Variants in GRIN2A observed in about 807,000 individuals in gnomAD.
GRIN2A encodes glutamate ionotropic receptor NMDA type subunit 2A.
GRIN2A carries 22 observed loss-of-function variants against 113.4 expected under a neutral mutation model. The observed-to-expected ratio is 0.19, with a 90% CI of 0.14 to 0.28. The LOEUF is 0.28. Among genes scored for constraint, GRIN2A ranks in the 10% least tolerant of loss-of-function variants. The probability of loss-of-function intolerance (pLI) is 1.00; values close to 1 mark genes in which losing one functional copy is unlikely to be tolerated. For missense variants in GRIN2A, 1,502 were observed against 1,887.0 expected, an observed-to-expected ratio of 0.80 and a Z score of 3.78; for synonymous variants, 827 against 738.4, an observed-to-expected ratio of 1.12 and a Z score of -1.94.
intron 2 of GRIN2A, among the ~76,000 whole-genome samples, chr16:10,017,182 G>A (rs554834932): frequency 2.8e-4 from 42 of 152,270 alleles, no homozygotes; most frequent in Non-Finnish European, 5.4e-4. Context: ...AACACCATAG[G>A]AACATAGAGA....
intron 2 of GRIN2A, among the ~76,000 whole-genome samples, chr16:10,147,455 C>CAAAAAAAAAA (rs367830700): frequency 0.011 from 765 of 72,392 alleles, no homozygotes; most frequent in East Asian, 0.015. Flanking sequence ...ACTAAAAATA[C>CAAAAAAAAAA]AAAAAAAAAA....
At chr16:9,834,310 T>G in intron 7 of GRIN2A, 80 bp from the exon 8 acceptor site, 1 of 1,369,814 alleles carries the variant, frequency 7.3e-7, no homozygotes, top group Non-Finnish European at 1.0e-6. Flanking sequence ...AGACATCCAT[T>G]TGCAGGCTCG....
In GRIN2A at chr16:9,933,047, A is replaced by C. The variant is rs74008900; in HGVS notation, c.1007+4912T>G. ...CACAATTTTGGGAGTTAACAGTGAC[A>C]TGGTCTGTGCTTGGTGAAGGAACAG... On this transcript the variant is annotated intron_variant, in intron 3 of 12. Coordinates refer to ENST00000330684, the MANE Select transcript of GRIN2A (RefSeq NM_001134407.3). 8.1e-3 allele frequency among the ~76,000 whole-genome samples: 1,236 copies of C among 152,334 alleles called. 16 individuals are homozygous for C. Among genetic ancestry groups the C allele is most frequent in the African/African-American group, 0.028 (1,181 of 41,566 alleles).
chr16:10,141,129 G>A (rs898081506), intron 2 of GRIN2A, among the ~76,000 whole-genome samples: 5 of 152,004 alleles, frequency 3.3e-5, no homozygotes, highest in African/African-American at 1.2e-4. Flanking sequence ...CGGAGGGTGA[G>A]GCTGGAGTGA....
chr16:9,821,848 G>A, intron 10 of GRIN2A, among the ~76,000 whole-genome samples: 1 of 152,226 alleles, frequency 6.6e-6, no homozygotes, highest in South Asian at 2.1e-4. Context: ...TATACAATTA[G>A]TTTTTTCATA....
intron 4 of GRIN2A, among the ~76,000 whole-genome samples, chr16:9,865,454 AAC>A (rs1346254998): frequency 6.6e-6 from 1 of 152,188 alleles, no homozygotes; most frequent in African/African-American, 2.4e-5. Context: ...TATAGTGGCA[AAC>A]ACAGCAGTTT....
chr16:9,893,312 T>C (rs781196073), intron 3 of GRIN2A, among the ~76,000 whole-genome samples: 2 of 152,236 alleles, frequency 1.3e-5, no homozygotes, highest in Non-Finnish European at 2.9e-5. Flanking sequence ...GTGTGTATCT[T>C]TGTATTCTTC....
chr16:9,859,107 G>T (rs567139932), intron 4 of GRIN2A, among the ~76,000 whole-genome samples: 2 of 152,032 alleles, frequency 1.3e-5, no homozygotes, highest in African/African-American at 4.8e-5. Context: ...TATAGTAAAA[G>T]CTCTTCTATA....
chr16:10,009,383 T>A (rs900770210), intron 2 of GRIN2A, among the ~76,000 whole-genome samples: 2 of 151,362 alleles, frequency 1.3e-5, no homozygotes, highest in African/African-American at 4.9e-5. Flanking sequence ...AAGGATGAAG[T>A]GAGGATTAGG....
intron 2 of GRIN2A, among the ~76,000 whole-genome samples, chr16:10,023,128 G>A (rs1161313347): frequency 1.3e-5 from 2 of 152,170 alleles, no homozygotes; most frequent in African/African-American, 4.8e-5. Context: ...ACCTGGTATT[G>A]AGATGGTAGA....
At chr16:9,836,733 C>CAAAGAAACATCGTT (rs2042588987) in intron 7 of GRIN2A, among the ~76,000 whole-genome samples, 4 of 152,186 alleles carry the variant, frequency 2.6e-5, no homozygotes, top group Admixed American at 2.0e-4. Flanking sequence ...TGCTCCAGAA[C>CAAAGAAACATCGTT]AAAGAAACAT....
At chr16:10,129,635 A>G (rs936835160) in intron 2 of GRIN2A, among the ~76,000 whole-genome samples, 30 of 152,218 alleles carry the variant, frequency 2.0e-4, no homozygotes, top group Admixed American at 1.4e-3. Context: ...CCAGAAAGAT[A>G]AAGGACCAAG....
chr16:10,114,413 G>A (rs2048688415), intron 2 of GRIN2A, among the ~76,000 whole-genome samples: 3 of 152,142 alleles, frequency 2.0e-5, no homozygotes, highest in Non-Finnish European at 4.4e-5. Flanking sequence ...TGCCAGCCTG[G>A]GTGAAATGAA....
chr16:10,059,085 A>G (rs887655324), intron 2 of GRIN2A, among the ~76,000 whole-genome samples: 1 of 152,222 alleles, frequency 6.6e-6, no homozygotes, highest in African/African-American at 2.4e-5. Context: ...GAACTTGGGC[A>G]TCAGAAGAAC....
At chr16:9,885,488 G>A (rs1044388851) in intron 4 of GRIN2A, among the ~76,000 whole-genome samples, 4 of 152,196 alleles carry the variant, frequency 2.6e-5, no homozygotes, top group Non-Finnish European at 4.4e-5. Context: ...AGGCAGGCCT[G>A]GTGTTTGGCG....
rs188164029 is a variant in GRIN2A, at chr16:10,026,254, C to A, written c.415-87703G>T. 4.6e-5 allele frequency among the ~76,000 whole-genome samples: 7 copies of A among 152,272 alleles called. No homozygotes were observed. The East Asian group carries it at 7.7e-4, about 17-fold the overall frequency. ...GGATGAGTTGGGGCAAGTCACGTCA[C>A]CTTCCTAAGCCTCAGTTTGCTCCTC... On this transcript the variant is annotated intron_variant, in intron 2 of 12. Coordinates refer to ENST00000330684, the MANE Select transcript of GRIN2A (RefSeq NM_001134407.3).
chr16:9,769,751 T>G (rs1901149888), intron 11 of GRIN2A, among the ~76,000 whole-genome samples: 1 of 152,154 alleles, frequency 6.6e-6, no homozygotes, highest in South Asian at 2.1e-4. Flanking sequence ...CATAGTAAGT[T>G]TTCATAAGCA....
At chr16:9,924,127 A>C (rs1458100277) in intron 3 of GRIN2A, among the ~76,000 whole-genome samples, 7 of 150,878 alleles carry the variant, frequency 4.6e-5, no homozygotes, top group South Asian at 2.1e-4. Flanking sequence ...AAAAAAAAAA[A>C]AAAAAAAAAA....
intron 2 of GRIN2A, among the ~76,000 whole-genome samples, chr16:10,062,901 G>A (rs1226949258): frequency 2.0e-5 from 3 of 151,840 alleles, no homozygotes; most frequent in Admixed American, 6.6e-5. Flanking sequence ...AAAACATTGG[G>A]TTAGCAAAAA....
Sources: allele counts gnomAD v4.1 joint callset (sites outside exome capture counted in the v4.1 genomes callset), GRCh38; gene constraint gnomAD v4.1.1; transcripts MANE v1.5; gene names NCBI Gene and HGNC (gene_info 2026-07-23, HGNC 2026-07-21).